The following JMY variants were observed in gnomAD, a reference collection of about 807,000 sequenced individuals.
The protein encoded by JMY is junction-mediating and -regulatory protein.
In JMY, 46 loss-of-function variants were observed where a neutral mutation model predicts 103.3. That is an observed-to-expected ratio of 0.45 (90% CI 0.35 to 0.57). JMY has a LOEUF of 0.57. Ranked by LOEUF, JMY falls within the 20% of genes least tolerant of loss-of-function variation. JMY has a pLI of 0.00. For synonymous variants in JMY, 526 were observed against 489.3 expected (o/e 1.07, Z -0.99); for missense variants, 1,238 against 1,255.2 (o/e 0.99, Z 0.21).
At chr5:79,321,083 T>C (rs1387235987) in intron 10 of JMY, among the ~76,000 whole-genome samples, 2 of 152,256 alleles carry the variant, frequency 1.3e-5, no homozygotes, top group South Asian at 2.1e-4. Flanking sequence ...AATGCAGAAC[T>C]GTATTAAGTT....
At chr5:79,260,162 C>T (rs535178121) in intron 1 of JMY, among the ~76,000 whole-genome samples, 2 of 152,368 alleles carry the variant, frequency 1.3e-5, no homozygotes, top group Non-Finnish European at 2.9e-5. Flanking sequence ...CTCACAAGTC[C>T]TAGCTGTACC....
chr5:79,260,762 A>G lies in JMY; in HGVS notation c.1033-17148A>G, dbSNP rs149825891. ...TTTTTCTCAGATTTTAGTATTAACA[A>G]GTAATAATTAGCAGGAATAATATAA... On this transcript the variant is annotated intron_variant, in intron 1 of 10. Transcript: ENST00000396137. Among the ~76,000 whole-genome samples the G allele has an allele frequency of 4.4e-4, 67 of 151,958 alleles. 1 individual carries two copies. In the East Asian group the frequency reaches 0.013, roughly 28 times the overall value.
intron 4 of JMY, among the ~76,000 whole-genome samples, chr5:79,295,171 T>A (rs570537474): frequency 2.6e-5 from 4 of 152,358 alleles, no homozygotes; most frequent in African/African-American, 9.6e-5. Flanking sequence ...CAGAACGCCC[T>A]GTAATCATGG....
chr5:79,261,964 C>A (rs551375334), intron 1 of JMY, among the ~76,000 whole-genome samples: 1 of 152,342 alleles, frequency 6.6e-6, no homozygotes, highest in South Asian at 2.1e-4. Context: ...AGAGCAAAAT[C>A]ATTTTCTAAA....
rs145954392 is a variant in JMY at position 79,255,502 on chromosome 5, T to C, written c.1032+17820T>C. ...TCATCTTGGTACTTGTAGATGTTCA[T>C]CTGTGTCTGAGCATTGAAGAGTTAG... On this transcript the variant is annotated intron_variant, in intron 1 of 10. Transcript: ENST00000396137. Among the ~76,000 whole-genome samples, 857 of 152,348 alleles carry C rather than the reference T, an allele frequency of 5.6e-3. 13 individuals carry two copies. Among genetic ancestry groups the C allele is most frequent in the African/African-American group, 0.02 (819 of 41,590 alleles).
At chr5:79,320,968 T>TA (rs1168756635) in intron 10 of JMY, among the ~76,000 whole-genome samples, 1 of 152,214 alleles carries the variant, frequency 6.6e-6, no homozygotes, top group Non-Finnish European at 1.5e-5. Flanking sequence ...AAATAGTACT[T>TA]ACTGTTTTAG....
intron 7 of JMY, among the ~76,000 whole-genome samples, chr5:79,307,688 G>A (rs372887375): frequency 6.6e-6 from 1 of 152,132 alleles, no homozygotes; most frequent in South Asian, 2.1e-4. Flanking sequence ...GAGCGCATCT[G>A]TCCAAATGCC....
chr5:79,320,496 G>A (rs1313597001), intron 10 of JMY, among the ~76,000 whole-genome samples: 1 of 151,960 alleles, frequency 6.6e-6, no homozygotes, highest in Non-Finnish European at 1.5e-5. Context: ...AGTTTTAGTA[G>A]AGAGGGGTTT....
intron 1 of JMY, among the ~76,000 whole-genome samples, chr5:79,265,786 T>C (rs1169774387): frequency 3.3e-5 from 5 of 150,566 alleles, no homozygotes; most frequent in Non-Finnish European, 7.4e-5. Context: ...GATTCTTTTT[T>C]TTTTTTTTTT....
intron 8 of JMY, 33 bp from the exon 9 acceptor site, chr5:79,314,224 T>C (rs763492923): frequency 6.4e-7 from 1 of 1,566,710 alleles, no homozygotes; most frequent in Admixed American, 1.9e-5. Context: ...TTCAATAACA[T>C]TTAACCAGTT....
At chr5:79,309,668 T>TA (rs1746986582) in intron 7 of JMY, among the ~76,000 whole-genome samples, 1 of 152,242 alleles carries the variant, frequency 6.6e-6, no homozygotes, top group South Asian at 2.1e-4. Context: ...TGCTGCCCCT[T>TA]ACTCTTCATT....
At position 79,274,051 on chromosome 5, in the gene JMY, C is replaced by G. The variant is rs553244819; in HGVS notation, c.1033-3859C>G. Among the ~76,000 whole-genome samples, 13 of 152,068 alleles carry G rather than the reference C, an allele frequency of 8.5e-5. 1 individual carries two copies. The East Asian group carries it at 2.1e-3, about 25-fold the overall frequency. The stretch of plus-strand genomic sequence containing the variant: ...TCACCATGTTAACCAGGATGGTCTC[C>G]ATCTCCTGACCTCGTGATCTGCCCG... On this transcript the variant is annotated intron_variant, in intron 1 of 10. Transcript: ENST00000396137.
intron 4 of JMY, 34 bp from the exon 5 acceptor site, chr5:79,300,119 G>A (rs1173117304): frequency 6.2e-7 from 1 of 1,603,746 alleles, no homozygotes; most frequent in Non-Finnish European, 8.5e-7. Flanking sequence ...GTCCCCACCA[G>A]CTAGAAATTT....
At chr5:79,285,404 CT>C (rs1389554432) in intron 2 of JMY, among the ~76,000 whole-genome samples, 1 of 152,178 alleles carries the variant, frequency 6.6e-6, no homozygotes, top group Non-Finnish European at 1.5e-5. Flanking sequence ...ACTCCATCCC[CT>C]TGGCTGGGTG....
intron 4 of JMY, among the ~76,000 whole-genome samples, chr5:79,292,352 T>C (rs535772222): frequency 6.6e-6 from 1 of 152,118 alleles, no homozygotes; most frequent in Admixed American, 6.5e-5. Context: ...TGAAACAGTG[T>C]CTCATTCTGT....
At chr5:79,252,312 G>T (rs1252985460) in intron 1 of JMY, among the ~76,000 whole-genome samples, 1 of 145,684 alleles carries the variant, frequency 6.9e-6, no homozygotes, top group Admixed American at 6.8e-5. Flanking sequence ...TCTCATTTTG[G>T]TCAGAGAAAA....
At position 79,253,581 on chromosome 5, in the gene JMY, C is replaced by T. The variant is rs114925616; in HGVS notation, c.1032+15899C>T. On this transcript the variant is annotated intron_variant, in intron 1 of 10. Transcript: ENST00000396137. The stretch of plus-strand genomic sequence containing the variant: ...TGCTGGGATTATAGGCGTGAGCCAC[C>T]GCCCAGCCTGGTTCATCATTTAATC... 5.7e-3 allele frequency among the ~76,000 whole-genome samples: 863 copies of T among 152,300 alleles called. 5 individuals are homozygous for T. The highest frequency in any genetic ancestry group is 0.02 in the African/African-American group (836 of 41,566).
chr5:79,291,264 T>C lies in JMY; in HGVS notation c.1492T>C (p.Cys498Arg), dbSNP rs369214683. ...TLQMMRAKEI[C>R]LEQRKHALKE... Reference sequence around the variant, plus strand: ...GCAGATGATGAGAGCTAAAGAGATATGCTTGGAACAGCGGAAACATGCACT... The same window carrying C: ...GCAGATGATGAGAGCTAAAGAGATACGCTTGGAACAGCGGAAACATGCACT... The change falls in exon 4 of 11, where the codon TGC becomes CGC. Residue 498 changes from cysteine to arginine, a missense_variant. Transcript: ENST00000396137. The C allele has an allele frequency of 3.4e-5, 55 of 1,603,246 alleles. No individual in the cohort carries two copies. The highest frequency in any genetic ancestry group is 4.2e-5 in the Non-Finnish European group (49 of 1,176,674).
chr5:79,300,047 ATTAC>A (rs1409781328), intron 4 of JMY, 102 bp from the exon 5 acceptor site: 14 of 725,574 alleles, frequency 1.9e-5, no homozygotes, highest in African/African-American at 3.7e-5. Context: ...TCTGAGAGGA[ATTAC>A]TTAATAGGTT....
Sources: allele counts gnomAD v4.1 joint callset (sites outside exome capture counted in the v4.1 genomes callset), GRCh38; gene constraint gnomAD v4.1.1; transcripts MANE v1.5; gene names NCBI Gene and HGNC (gene_info 2026-07-23, HGNC 2026-07-21).